Variants in TMEM132D observed in about 807,000 individuals in gnomAD.
TMEM132D encodes mature OL transmembrane protein.
Under a neutral mutation model 62.3 loss-of-function variants are expected in TMEM132D, and 21 were observed. That is an observed-to-expected ratio of 0.34 (90% CI 0.24 to 0.49). TMEM132D has a LOEUF of 0.49. TMEM132D is among the 20% of genes least tolerant of loss of function. The pLI is 0.99. For missense variants in TMEM132D, 1,346 were observed against 1,402.8 expected (o/e 0.96, Z 0.65); for synonymous variants, 621 against 575.6 (o/e 1.08, Z -1.13).
intron 2 of TMEM132D, among the ~76,000 whole-genome samples, chr12:129,555,022 T>G (rs1397278310): frequency 6.6e-6 from 1 of 152,198 alleles, no homozygotes; most frequent in Non-Finnish European, 1.5e-5. Context: ...CCCCAGCTAT[T>G]TTAGCATCTC....
At chr12:129,321,722 C>A (rs548478872) in intron 4 of TMEM132D, among the ~76,000 whole-genome samples, 1 of 151,640 alleles carries the variant, frequency 6.6e-6, no homozygotes, top group Non-Finnish European at 1.5e-5. Flanking sequence ...CCACGCCCAG[C>A]TAATTTTTTT....
At chr12:129,578,428 A>G (rs375440361) in intron 2 of TMEM132D, among the ~76,000 whole-genome samples, 4,506 of 34,354 alleles carry the variant, frequency 0.13, 209 homozygotes, top group Admixed American at 0.36. Flanking sequence ...GTGTGTGTAT[A>G]TATATATATG....
chr12:129,464,952 C>T (rs991324744), intron 3 of TMEM132D, among the ~76,000 whole-genome samples: 134 of 144,154 alleles, frequency 9.3e-4, no homozygotes, highest in African/African-American at 3.4e-3. Flanking sequence ...CTTGGCAATG[C>T]GGGCTCTTTT....
intron 1 of TMEM132D, among the ~76,000 whole-genome samples, chr12:129,752,756 G>T (rs1870040811): frequency 6.6e-6 from 1 of 152,174 alleles, no homozygotes. Context: ...AACCAGGAAG[G>T]ATCATCTCCA....
intron 2 of TMEM132D, among the ~76,000 whole-genome samples, chr12:129,656,137 G>A (rs772223999): frequency 2.6e-5 from 4 of 152,106 alleles, no homozygotes; most frequent in Non-Finnish European, 4.4e-5. Context: ...AGCAACTCAC[G>A]TTTCCCAAAC....
At chr12:129,868,549 G>A (rs9737836) in intron 1 of TMEM132D, among the ~76,000 whole-genome samples, 109,599 of 152,038 alleles carry the variant, frequency 0.72, 41,131 homozygotes, top group Non-Finnish European at 0.84. Flanking sequence ...CAGCCGCTGT[G>A]GTCAAGTCAA....
intron 1 of TMEM132D, among the ~76,000 whole-genome samples, chr12:129,729,533 T>G (rs1468680237): frequency 6.6e-6 from 1 of 151,982 alleles, no homozygotes; most frequent in Non-Finnish European, 1.5e-5. Flanking sequence ...TGGAATACCT[T>G]TTTTTCTTTC....
intron 3 of TMEM132D, among the ~76,000 whole-genome samples, chr12:129,342,790 C>G (rs1053107501): frequency 3.3e-4 from 50 of 152,226 alleles, no homozygotes; most frequent in African/African-American, 8.9e-4. Context: ...CTTCTCAAAA[C>G]AAGACATTTA....
chr12:129,739,179 G>A, intron 1 of TMEM132D, among the ~76,000 whole-genome samples: 1 of 152,176 alleles, frequency 6.6e-6, no homozygotes, highest in Admixed American at 6.5e-5. Context: ...ATGGATATCG[G>A]CTCCCGGGTC....
At chr12:129,336,264 C>T (rs1025814445) in intron 4 of TMEM132D, among the ~76,000 whole-genome samples, 3 of 152,246 alleles carry the variant, frequency 2.0e-5, no homozygotes, top group East Asian at 1.9e-4. Context: ...GTTTCTAGCT[C>T]TACCATTATA....
chr12:129,213,246 C>A (rs1362048978), intron 4 of TMEM132D, among the ~76,000 whole-genome samples: 6 of 152,044 alleles, frequency 3.9e-5, no homozygotes, highest in African/African-American at 1.2e-4. Context: ...CAATCCCAGC[C>A]CTTTGGGAGG....
intron 4 of TMEM132D, among the ~76,000 whole-genome samples, chr12:129,263,619 GGATGGGCA>G (rs1434308505): frequency 6.6e-6 from 1 of 152,066 alleles, no homozygotes; most frequent in Non-Finnish European, 1.5e-5. Context: ...GCATCTTGAA[GGATGGGCA>G]TATAGAGAGG....
chr12:129,601,366 T>C (rs115452345), intron 2 of TMEM132D, among the ~76,000 whole-genome samples: 1 of 152,342 alleles, frequency 6.6e-6, no homozygotes, highest in African/African-American at 2.4e-5. Context: ...ACTTTCTCCA[T>C]ATCAGCAAGA....
intron 4 of TMEM132D, among the ~76,000 whole-genome samples, chr12:129,315,764 CT>C (rs1318183269): frequency 2.0e-5 from 3 of 152,102 alleles, no homozygotes; most frequent in African/African-American, 7.2e-5. Flanking sequence ...GTGAAAGTGT[CT>C]GGTCTTGGAC....
intron 1 of TMEM132D, among the ~76,000 whole-genome samples, chr12:129,754,235 C>G (rs1168938982): frequency 6.6e-6 from 1 of 152,192 alleles, no homozygotes; most frequent in Non-Finnish European, 1.5e-5. Flanking sequence ...GAAACAGAAT[C>G]CCTATCAGAT....
intron 1 of TMEM132D, among the ~76,000 whole-genome samples, chr12:129,704,906 C>T (rs546568054): frequency 6.6e-6 from 1 of 151,356 alleles, no homozygotes; most frequent in Non-Finnish European, 1.5e-5. Flanking sequence ...TCGGAGCTCA[C>T]AATCATCAAG....
intron 5 of TMEM132D, among the ~76,000 whole-genome samples, chr12:129,147,916 G>T (rs1042539204): frequency 6.6e-6 from 1 of 152,124 alleles, no homozygotes; most frequent in Non-Finnish European, 1.5e-5. Flanking sequence ...ACCAACTTTC[G>T]TGTGATGGCT....
At chr12:129,668,876 TA>T in intron 2 of TMEM132D, among the ~76,000 whole-genome samples, 1 of 152,318 alleles carries the variant, frequency 6.6e-6, no homozygotes, top group East Asian at 1.9e-4. Flanking sequence ...TAGAGCCAAT[TA>T]AAGCTCACTG....
chr12:129,256,681 C>G (rs561266329), intron 4 of TMEM132D, among the ~76,000 whole-genome samples: 2 of 152,246 alleles, frequency 1.3e-5, no homozygotes, highest in East Asian at 3.9e-4. Flanking sequence ...CTCAGCCTCC[C>G]AAAGTGCTGG....
Sources: gnomAD v4.1 joint callset for allele counts (sites outside exome capture counted in the v4.1 genomes callset) on GRCh38, gnomAD v4.1.1 for gene constraint, MANE v1.5 for transcripts, NCBI Gene and HGNC (gene_info 2026-07-23, HGNC 2026-07-21) for gene names.